The following SHPRH variants were observed in gnomAD, a reference collection of about 807,000 sequenced individuals.
SHPRH encodes the protein E3 ubiquitin-protein ligase SHPRH.
In SHPRH, 106 loss-of-function variants were observed where a neutral mutation model predicts 202.5. The ratio of observed to expected loss-of-function variants is 0.52; its 90% CI spans 0.45 to 0.62. SHPRH has a LOEUF of 0.62. Ranked by LOEUF, SHPRH falls within the 20% of genes least tolerant of loss-of-function variation. The pLI is 0.00. For missense variants in SHPRH, 1,710 were observed against 2,020.0 expected (o/e 0.85, Z 2.94); for synonymous variants, 729 against 686.0 (o/e 1.06, Z -0.98).
downstream of SHPRH, among the ~76,000 whole-genome samples, chr6:145,859,830 G>C (rs1478901934): frequency 1.3e-5 from 2 of 151,980 alleles, no homozygotes; most frequent in African/African-American, 4.8e-5. Context: ...AGGAGAAAGT[G>C]CTTTGGGACT....
chr6:145,884,486 GCTAT>G (rs1275714666), downstream of SHPRH: 12 of 152,124 alleles, frequency 7.9e-5, no homozygotes, highest in African/African-American at 2.7e-4. Context: ...AACAATTGCG[GCTAT>G]CTCATTTTGT....
At chr6:145,860,599 A>T (rs986722402), downstream of SHPRH, among the ~76,000 whole-genome samples, 5 of 152,054 alleles carry the variant, frequency 3.3e-5, no homozygotes, top group African/African-American at 1.2e-4. Flanking sequence ...ATTCAATGCA[A>T]TCTTTATCAA....
intron 5 of SHPRH, among the ~76,000 whole-genome samples, chr6:145,947,921 A>T (rs1210577455): frequency 1.3e-5 from 2 of 150,216 alleles, no homozygotes; most frequent in East Asian, 1.9e-4. Flanking sequence ...ATCTATGAAT[A>T]AAAAAAAATA....
chr6:145,867,631 T>TATATATAGAG (rs1554220329), intron 2 of SHPRH, among the ~76,000 whole-genome samples: 30 of 22,308 alleles, frequency 1.3e-3, no homozygotes, highest in Middle Eastern at 0.031. Context: ...TATATATATA[T>TATATATAGAG]AGAGAGAGAG....
At chr6:145,876,618 T>A (rs1780316105) in intron 2 of SHPRH, 1 of 152,216 alleles carries the variant, frequency 6.6e-6, no homozygotes, top group African/African-American at 2.4e-5. Flanking sequence ...CTATAAATAA[T>A]GCTGCTATAA....
chr6:145,957,184 TC>T (rs1788590715), intron 1 of SHPRH, among the ~76,000 whole-genome samples: 1 of 151,922 alleles, frequency 6.6e-6, no homozygotes, highest in South Asian at 2.1e-4. Flanking sequence ...AAGCTTTACC[TC>T]CTAAAATGTA....
At chr6:145,932,295 GAC>G (rs961472226) in intron 14 of SHPRH, among the ~76,000 whole-genome samples, 1 of 152,116 alleles carries the variant, frequency 6.6e-6, no homozygotes, top group Non-Finnish European at 1.5e-5. Context: ...TAGAGTAACA[GAC>G]AATGGATTTA....
At chr6:145,946,143 A>G in intron 7 of SHPRH, 90 bp downstream of exon 7, 3 of 882,510 alleles carry the variant, frequency 3.4e-6, no homozygotes, top group Non-Finnish European at 4.9e-6. Context: ...ACAATTGTTT[A>G]TAACAATTAC....
intron 21 of SHPRH, among the ~76,000 whole-genome samples, chr6:145,920,770 T>C (rs1190525541): frequency 6.6e-6 from 1 of 152,098 alleles, no homozygotes; most frequent in Non-Finnish European, 1.5e-5. Flanking sequence ...TCCAAACTTA[T>C]AGGATAAGAA....
chr6:145,894,826 C>G, intron 26 of SHPRH, 59 bp downstream of exon 26: 1 of 1,526,112 alleles, frequency 6.6e-7, no homozygotes, highest in Non-Finnish European at 9.0e-7. Flanking sequence ...CAGCTGTAAA[C>G]TGATTAGAGA....
rs762767368 is a variant in SHPRH, at chr6:145,923,741, T to C, written c.3447A>G (p.Ala1149=). Residue 1149 remains alanine, a synonymous_variant, in exon 18 of 30, where the codon GCA becomes GCG. Coordinates refer to ENST00000275233, the MANE Select transcript of SHPRH (RefSeq NM_001042683.3). ...SPWWLNVIHR[A]IEFTIDEELV... is the part of the protein sequence containing the mutation. Reference sequence around the variant, plus strand: ...GCTCCTCATCAATAGTAAATTCTATTGCTCTGTGGATCACATTTAGCCACC... The same window carrying C: ...GCTCCTCATCAATAGTAAATTCTATCGCTCTGTGGATCACATTTAGCCACC... 1.9e-6 allele frequency: 3 copies of C among 1,611,732 alleles called. No individual in the cohort carries two copies. The South Asian group carries it at 3.3e-5, about 18-fold the overall frequency.
intron 2 of SHPRH, among the ~76,000 whole-genome samples, chr6:145,953,379 T>C (rs186329649): frequency 6.6e-6 from 1 of 152,184 alleles, no homozygotes; most frequent in Non-Finnish European, 1.5e-5. Flanking sequence ...AAAAACAGAA[T>C]AGATTAACAC....
At chr6:145,862,235 G>C (rs1476173350), downstream of SHPRH, among the ~76,000 whole-genome samples, 1 of 152,066 alleles carries the variant, frequency 6.6e-6, no homozygotes, top group African/African-American at 2.4e-5. Context: ...GCCGAGGCAG[G>C]CGGATCACGA....
In SHPRH at chr6:145,934,960, C is replaced by T. The variant is rs1207239099; in HGVS notation, c.2937G>A (p.Gln979=). 20 of 1,613,434 alleles carry T rather than the reference C, an allele frequency of 1.2e-5. No individual in the cohort carries two copies. Among genetic ancestry groups the T allele is most frequent in the Non-Finnish European group, 1.7e-5 (20 of 1,179,500 alleles). ...GAACAGCCTGTGGGTGACAGCAGGC[C>T]TGTCTGAGCCTCAGCAATGGATACA... ...SILYPLLRLR[Q]ACCHPQAVRG... Residue 979 remains glutamine (Q), a synonymous_variant, in exon 13 of 30, where the codon CAG becomes CAA. Transcript: ENST00000275233.
At chr6:145,889,383 G>A (rs999077651) in intron 28 of SHPRH, among the ~76,000 whole-genome samples, 3 of 151,996 alleles carry the variant, frequency 2.0e-5, no homozygotes, top group African/African-American at 4.8e-5. Flanking sequence ...GTATCAGAGT[G>A]TTTTTTTCTT....
At chr6:145,870,296 C>CTG (rs1779999898) in intron 2 of SHPRH, among the ~76,000 whole-genome samples, 1 of 131,120 alleles carries the variant, frequency 7.6e-6, no homozygotes, top group African/African-American at 2.9e-5. Flanking sequence ...GAGTCTCACT[C>CTG]TGTCGCCCAG....
chr6:145,874,471 T>C (rs760948196), intron 2 of SHPRH, among the ~76,000 whole-genome samples: 11 of 152,122 alleles, frequency 7.2e-5, no homozygotes, highest in Non-Finnish European at 1.6e-4. Context: ...AGCATTTTTT[T>C]TTATTCTGAG....
In SHPRH at chr6:145,945,548, T is replaced by C. The variant is rs201140871; in HGVS notation, c.1411A>G (p.Ile471Val). 2.0e-5 allele frequency: 33 copies of C among 1,613,216 alleles called. No individual in the cohort carries two copies. Among genetic ancestry groups the C allele is most frequent in the Non-Finnish European group, 2.7e-5 (32 of 1,179,562 alleles). Residue 471 changes from isoleucine to valine, a missense_variant, in exon 8 of 30, where the codon ATA becomes GTA. By Grantham distance (29) the Ile-to-Val change is conservative. Around this residue, in one of 8 missense-constraint regions of SHPRH, gnomAD observed 348 missense variants for 356.9 expected, o/e 0.97. Coordinates refer to ENST00000275233, the MANE Select transcript of SHPRH (RefSeq NM_001042683.3). ...TTCCGTTGAACATCGTATCTATATA[T>C]AGAACTGACATACTTATAGATGGAA... ...ILSIYKYVSS[I>V]YRYDVQRNRS...
At chr6:145,896,045 T>A (rs1367724349) in intron 25 of SHPRH, among the ~76,000 whole-genome samples, 1 of 151,984 alleles carries the variant, frequency 6.6e-6, no homozygotes, top group Non-Finnish European at 1.5e-5. Flanking sequence ...ACCCTCTCCC[T>A]CAATCCTCTC....
Sources: allele counts gnomAD v4.1 joint callset (sites outside exome capture counted in the v4.1 genomes callset), GRCh38; gene constraint gnomAD v4.1.1; regional missense constraint gnomAD v4.1.1; transcripts MANE v1.5; gene names NCBI Gene and HGNC (gene_info 2026-07-23, HGNC 2026-07-21).